GRM8: variants seen among roughly 807,000 people sequenced by gnomAD.
GRM8 encodes glutamate metabotropic receptor 8, also known as metabotropic glutamate receptor 8.
Under a neutral mutation model 87.2 loss-of-function variants are expected in GRM8, and 47 were observed. The observed-to-expected ratio is 0.54, with a 90% CI of 0.43 to 0.69. GRM8 has a LOEUF of 0.69. Ranked by LOEUF, GRM8 falls within the 30% of genes least tolerant of loss-of-function variation. The pLI is 0.00. For synonymous variants in GRM8, 396 were observed against 404.5 expected (o/e 0.98, Z 0.25); for missense variants, 1,019 against 1,139.2 (o/e 0.89, Z 1.52).
intron 6 of GRM8, among the ~76,000 whole-genome samples, chr7:126,805,054 T>C (rs1295135825): frequency 2.0e-5 from 3 of 152,144 alleles, no homozygotes; most frequent in Non-Finnish European, 2.9e-5. Flanking sequence ...CCAATCCCAA[T>C]GGTCAGCCCA....
intron 8 of GRM8, among the ~76,000 whole-genome samples, chr7:126,594,521 T>C (rs753309246): frequency 1.3e-5 from 2 of 152,090 alleles, no homozygotes; most frequent in Non-Finnish European, 2.9e-5. Flanking sequence ...CACTCATATA[T>C]GGAATCTAGA....
At chr7:127,160,929 A>C (rs2116218273) in intron 2 of GRM8, among the ~76,000 whole-genome samples, 1 of 152,248 alleles carries the variant, frequency 6.6e-6, no homozygotes, top group African/African-American at 2.4e-5. Context: ...AACACCAAAA[A>C]GCAGAGCCTG....
chr7:126,705,181 C>A (rs1390688161), intron 7 of GRM8, among the ~76,000 whole-genome samples: 1 of 152,066 alleles, frequency 6.6e-6, no homozygotes, highest in Non-Finnish European at 1.5e-5. Context: ...CCCCAATAAT[C>A]AGTAGCCCTG....
intron 3 of GRM8, among the ~76,000 whole-genome samples, chr7:127,018,206 A>T (rs1815883226): frequency 6.6e-6 from 1 of 152,072 alleles, no homozygotes; most frequent in Admixed American, 6.6e-5. Context: ...CTGGGCATAT[A>T]TAAAGGGCAG....
In GRM8 at chr7:127,031,391, A is replaced by G. The variant is rs17875029; in HGVS notation, c.727+75105T>C. On this transcript the variant is annotated intron_variant, in intron 3 of 10. Transcript: ENST00000339582. ...TATTTTTTTAAATTATTTATTTTCA[A>G]TTACCTGAAGAGAATGGAGCCAACC... 9.9e-3 allele frequency among the ~76,000 whole-genome samples: 1,513 copies of G among 152,062 alleles called. 21 individuals carry two copies. Among genetic ancestry groups the G allele is most frequent in the African/African-American group, 0.033 (1,368 of 41,496 alleles).
chr7:126,720,436 T>C (rs1392120478), intron 7 of GRM8, among the ~76,000 whole-genome samples: 1 of 152,192 alleles, frequency 6.6e-6, no homozygotes, highest in Non-Finnish European at 1.5e-5. Flanking sequence ...GACCACAAGT[T>C]GCCTCTTAAA....
At chr7:127,177,882 G>A (rs1034093145) in intron 2 of GRM8, among the ~76,000 whole-genome samples, 2 of 152,194 alleles carry the variant, frequency 1.3e-5, no homozygotes, top group South Asian at 2.1e-4. Flanking sequence ...CTCTGACAGA[G>A]GCCACCCAAA....
At chr7:126,742,274 A>T (rs1470731185) in intron 7 of GRM8, among the ~76,000 whole-genome samples, 2 of 152,020 alleles carry the variant, frequency 1.3e-5, no homozygotes, top group Non-Finnish European at 2.9e-5. Context: ...TTTAAACCTT[A>T]TTCTCACATT....
intron 7 of GRM8, among the ~76,000 whole-genome samples, chr7:126,753,448 A>C (rs895053366): frequency 3.3e-5 from 5 of 151,856 alleles, no homozygotes; most frequent in African/African-American, 9.7e-5. Flanking sequence ...ACATATATAC[A>C]CACATATATG....
intron 6 of GRM8, among the ~76,000 whole-genome samples, chr7:126,899,104 A>AGTGTGTGTGTGTGTGTGTGTGTGTGT (rs71177573): frequency 1.1e-4 from 16 of 140,398 alleles, no homozygotes; most frequent in African/African-American, 3.8e-4. Flanking sequence ...ACTGGTTAAC[A>AGTGTGTGTGTGTGTGTGTGTGTGTGT]GTGTGTGTGT....
intron 3 of GRM8, among the ~76,000 whole-genome samples, chr7:126,973,655 A>G (rs1014095926): frequency 6.6e-6 from 1 of 152,206 alleles, no homozygotes; most frequent in African/African-American, 2.4e-5. Flanking sequence ...ACACAGTGAG[A>G]CACCATCCCC....
At chr7:126,526,800 G>T (rs552705773) in intron 9 of GRM8, among the ~76,000 whole-genome samples, 1 of 152,328 alleles carries the variant, frequency 6.6e-6, no homozygotes, top group Admixed American at 6.5e-5. Context: ...AGTCCTGCCT[G>T]CATGTGCCCT....
chr7:127,084,277 C>T (rs181020988), intron 3 of GRM8: 13 of 152,162 alleles, frequency 8.5e-5, no homozygotes, highest in East Asian at 1.9e-4. Context: ...AAAAATAGAG[C>T]GAGGCTAGGC....
At chr7:126,846,454 T>G (rs1586174375) in intron 6 of GRM8, among the ~76,000 whole-genome samples, 1 of 152,208 alleles carries the variant, frequency 6.6e-6, no homozygotes, top group Non-Finnish European at 1.5e-5. Context: ...AGCAACATTA[T>G]AGGAGGGAAA....
chr7:126,560,442 C>A (rs1585053823), intron 8 of GRM8, among the ~76,000 whole-genome samples: 1 of 152,104 alleles, frequency 6.6e-6, no homozygotes, highest in South Asian at 2.1e-4. Flanking sequence ...GGGGGGAATG[C>A]TTTTAGTCAG....
chr7:126,633,352 A>G (rs184549166), intron 7 of GRM8, among the ~76,000 whole-genome samples: 1 of 152,288 alleles, frequency 6.6e-6, no homozygotes, highest in Non-Finnish European at 1.5e-5. Flanking sequence ...GAACACTAAT[A>G]ATATTCATGT....
intron 3 of GRM8, chr7:127,076,126 C>G (rs1230334118): frequency 4.4e-6 from 2 of 456,254 alleles, no homozygotes; most frequent in African/African-American, 2.0e-5. Flanking sequence ...GACTAATAGA[C>G]AGTTTGAGCA....
intron 2 of GRM8, among the ~76,000 whole-genome samples, chr7:127,164,080 G>A (rs889629936): frequency 1.3e-5 from 2 of 152,094 alleles, no homozygotes; most frequent in Non-Finnish European, 2.9e-5. Flanking sequence ...CCTTGGCACT[G>A]TCCTCAGGAT....
At chr7:126,946,333 C>T (rs17864082) in intron 3 of GRM8, among the ~76,000 whole-genome samples, 3 of 152,156 alleles carry the variant, frequency 2.0e-5, no homozygotes, top group Non-Finnish European at 4.4e-5. Flanking sequence ...GAGACCCCCC[C>T]ATCTCTACAA....
Sources: gnomAD v4.1 joint callset for allele counts (sites outside exome capture counted in the v4.1 genomes callset) on GRCh38, gnomAD v4.1.1 for gene constraint, MANE v1.5 for transcripts, NCBI Gene and HGNC (gene_info 2026-07-23, HGNC 2026-07-21) for gene names.